Variants in SPECC1 observed in about 807,000 individuals in gnomAD.
The protein encoded by SPECC1 is sperm antigen with calponin homology and coiled-coil domains 1.
SPECC1 carries 62 observed loss-of-function variants against 104.1 expected under a neutral mutation model. The ratio of observed to expected loss-of-function variants is 0.60; its 90% CI spans 0.49 to 0.74. The LOEUF (loss-of-function observed/expected upper bound fraction) is 0.74. Ranked by LOEUF, SPECC1 falls within the 30% of genes least tolerant of loss-of-function variation. The pLI is 0.00. For missense variants in SPECC1, 1,306 were observed against 1,310.5 expected, an observed-to-expected ratio of 1.00 and a Z score of 0.05; for synonymous variants, 513 against 501.6, an observed-to-expected ratio of 1.02 and a Z score of -0.30.
At chr17:20,301,228 A>G (rs1042053659) in intron 13 of SPECC1, among the ~76,000 whole-genome samples, 7 of 152,152 alleles carry the variant, frequency 4.6e-5, no homozygotes, top group Non-Finnish European at 8.8e-5. Context: ...CACGGGGGGA[A>G]TCTTACTAGA....
At chr17:20,175,200 T>G (rs2034387178) in intron 3 of SPECC1, among the ~76,000 whole-genome samples, 1 of 152,190 alleles carries the variant, frequency 6.6e-6, no homozygotes, top group Admixed American at 6.5e-5. Flanking sequence ...CCAAAGCTCC[T>G]GATGCCATCA....
intron 1 of SPECC1, among the ~76,000 whole-genome samples, chr17:20,020,693 T>C (rs1055799267): frequency 2.6e-5 from 4 of 152,250 alleles, no homozygotes; most frequent in Non-Finnish European, 5.9e-5. Flanking sequence ...TTCTCATTCT[T>C]AGCCCTTTAT....
chr17:20,242,025 C>G (rs528908909), intron 7 of SPECC1, among the ~76,000 whole-genome samples: 1 of 152,278 alleles, frequency 6.6e-6, no homozygotes, highest in Non-Finnish European at 1.5e-5. Context: ...GACCGGCAGG[C>G]GTGAGCATGT....
chr17:20,317,734 A>G lies in SPECC1; in HGVS notation c.*3669A>G, dbSNP rs2042057816. ...GAGCAAGACCCTGTCACACACACACACAAAAAAAAGAAATACAGGTGGTGT... is the reference window on the plus strand; with the variant it reads ...GAGCAAGACCCTGTCACACACACACGCAAAAAAAAGAAATACAGGTGGTGT... On this transcript the variant is annotated 3_prime_UTR_variant, in exon 15 of 15. Coordinates refer to ENST00000395527, the MANE Select transcript of SPECC1 (RefSeq NM_001243439.2). 3 of 217,454 alleles carry G rather than the reference A, an allele frequency of 1.4e-5. No homozygotes were observed. Among genetic ancestry groups the G allele is most frequent in the Non-Finnish European group, 2.8e-5 (3 of 108,298 alleles). 13.5% of individuals were successfully genotyped at this position (217,454 alleles called of 1,614,324 possible). A position where few individuals can be genotyped will look rare whatever the true frequency, so the allele number is the denominator to read the frequency against.
At chr17:20,029,665 A>G (rs1347412905) in intron 1 of SPECC1, among the ~76,000 whole-genome samples, 1 of 152,202 alleles carries the variant, frequency 6.6e-6, no homozygotes, top group Non-Finnish European at 1.5e-5. Context: ...ATGTTGTCCT[A>G]GGAACCTGTC....
At chr17:20,233,274 G>A (rs945691047) in intron 7 of SPECC1, among the ~76,000 whole-genome samples, 5 of 152,112 alleles carry the variant, frequency 3.3e-5, no homozygotes, top group Admixed American at 3.3e-4. Context: ...TGATCAGGTG[G>A]CCCTAGTGTT....
Position 20,314,010 on chromosome 17 carries a change from A to T in SPECC1, c.3152A>T (p.Asp1051Val), listed in dbSNP as rs748789204. 2.2e-5 allele frequency: 35 copies of T among 1,614,026 alleles called. No homozygotes were observed. The highest frequency in any genetic ancestry group is 2.9e-5 in the Non-Finnish European group (34 of 1,180,028). ...LSEMLYTDRP[D>V]WQSVMQYVAQ... is the part of the protein sequence containing the mutation. ...GAGATGCTGTACACAGACCGGCCCG[A>T]CTGGCAGAGTGTGATGCAGTACGTG... Residue 1051 changes from aspartate (D) to valine (V), a missense_variant, in exon 15 of 15, where the codon GAC becomes GTC. Physicochemically the swap from Asp to Val is radical, Grantham distance 152. Transcript: ENST00000395527.
intron 1 of SPECC1, among the ~76,000 whole-genome samples, chr17:20,090,072 G>T (rs948012522): frequency 1.3e-5 from 2 of 152,370 alleles, no homozygotes; most frequent in Admixed American, 6.5e-5. Context: ...CAGACTAGGA[G>T]AAGATTTTCT....
At position 20,218,027 on chromosome 17, in the gene SPECC1, G is replaced by C. The variant is rs185475581; in HGVS notation, c.1864-9386G>C. The stretch of plus-strand genomic sequence containing the variant: ...AGCCTGGGCAACAGAGCAAGACCTT[G>C]TCCCTTGACTCCAAAAAAACTAAAA... On this transcript the variant is annotated intron_variant, in intron 4 of 14. Transcript: ENST00000395527. Among the ~76,000 whole-genome samples the C allele has an allele frequency of 5.9e-5, 9 of 152,264 alleles. No individual in the cohort carries two copies. The East Asian group carries it at 1.4e-3, about 23-fold the overall frequency.
intron 7 of SPECC1, chr17:20,239,383 G>T (rs1408269440): frequency 3.4e-5 from 23 of 670,834 alleles, no homozygotes; most frequent in Non-Finnish European, 4.3e-5. Context: ...TATGTATAGG[G>T]TTCATTTTCA....
At chr17:20,246,344 T>C (rs2151540932) in intron 8 of SPECC1, among the ~76,000 whole-genome samples, 1 of 152,336 alleles carries the variant, frequency 6.6e-6, no homozygotes, top group African/African-American at 2.4e-5. Context: ...ACCTTTCTTT[T>C]CTGCCTCTCA....
rs990548633 is a variant in SPECC1, at chr17:20,224,715, A to G, written c.1864-2698A>G. ...GGTCTGGATCTCTCCCTTCAGGTCC[A>G]CGGTGGGTCTAGAAATGCTGTCCAG... On this transcript the variant is annotated intron_variant, in intron 4 of 14. Coordinates refer to ENST00000395527, the MANE Select transcript of SPECC1 (RefSeq NM_001243439.2). Among the ~76,000 whole-genome samples, 9 of 152,118 alleles carry G rather than the reference A, an allele frequency of 5.9e-5. 1 individual carries two copies. Among genetic ancestry groups the G allele is most frequent in the Non-Finnish European group, 8.8e-5 (6 of 68,022 alleles).
At chr17:20,098,978 A>G (rs549700186) in intron 2 of SPECC1, among the ~76,000 whole-genome samples, 2 of 152,278 alleles carry the variant, frequency 1.3e-5, no homozygotes, top group Non-Finnish European at 2.9e-5. Flanking sequence ...GTCTGATGGA[A>G]CAAGAGGAGC....
At chr17:20,133,979 C>G (rs1281769179) in intron 3 of SPECC1, among the ~76,000 whole-genome samples, 1 of 151,962 alleles carries the variant, frequency 6.6e-6, no homozygotes, top group Non-Finnish European at 1.5e-5. Context: ...TTATTCATAA[C>G]AGTTGATGGT....
chr17:20,151,984 T>A (rs1214131080), intron 3 of SPECC1, among the ~76,000 whole-genome samples: 2 of 147,180 alleles, frequency 1.4e-5, no homozygotes, highest in Non-Finnish European at 3.0e-5. Flanking sequence ...GGGAGGCTCT[T>A]GTCTTTGACA....
rs116218439 is a variant in SPECC1 at position 20,128,236 on chromosome 17, A to G, written c.283+17674A>G. ...GAATTCAAATACCAGGCGTGTTGAC[A>G]TCAGTGACTTTGAAATGTTGACAGC... On this transcript the variant is annotated intron_variant, in intron 3 of 14. Transcript: ENST00000395527. 6.7e-3 allele frequency among the ~76,000 whole-genome samples: 1,016 copies of G among 152,324 alleles called. 10 individuals are homozygous for G. Among genetic ancestry groups the G allele is most frequent in the African/African-American group, 0.023 (959 of 41,556 alleles).
chr17:20,262,639 G>A (rs905365466), intron 12 of SPECC1, among the ~76,000 whole-genome samples: 5 of 152,064 alleles, frequency 3.3e-5, no homozygotes, highest in African/African-American at 7.2e-5. Flanking sequence ...CTAAAATTTC[G>A]GAAGATTCCA....
intron 3 of SPECC1, among the ~76,000 whole-genome samples, chr17:20,191,508 ATTATAC>A (rs1345988709): frequency 3.2e-5 from 3 of 92,702 alleles, no homozygotes; most frequent in Non-Finnish European, 6.3e-5. Context: ...TTTTTTTTTA[ATTATAC>A]TTTAAGTTCT....
At chr17:20,236,924 A>AT in intron 7 of SPECC1, 6 of 1,613,344 alleles carry the variant, frequency 3.7e-6, no homozygotes, top group Non-Finnish European at 5.1e-6. Context: ...TCTTGCCATG[A>AT]TTGGGAGCCG....
Sources: gnomAD v4.1 joint callset for allele counts (sites outside exome capture counted in the v4.1 genomes callset) on GRCh38, gnomAD v4.1.1 for gene constraint, MANE v1.5 for transcripts, NCBI Gene and HGNC (gene_info 2026-07-23, HGNC 2026-07-21) for gene names.